Variants in ARHGAP18 observed in about 807,000 individuals in gnomAD.
ARHGAP18 encodes the protein Rho GTPase activating protein 18.
Under a neutral mutation model 86.2 loss-of-function variants are expected in ARHGAP18, and 67 were observed. The ratio of observed to expected loss-of-function variants is 0.78; its 90% CI spans 0.64 to 0.95. The LOEUF is 0.95. Among genes scored for constraint, ARHGAP18 ranks in the 40% least tolerant of loss-of-function variants. The probability of loss-of-function intolerance (pLI) is 0.00; values close to 1 mark genes in which losing one functional copy is unlikely to be tolerated. For synonymous variants in ARHGAP18, 283 were observed against 280.4 expected, an observed-to-expected ratio of 1.01 and a Z score of -0.09; for missense variants, 691 against 780.4, an observed-to-expected ratio of 0.89 and a Z score of 1.37.
At chr6:129,681,660 C>T (rs1774326730) in intron 1 of ARHGAP18, among the ~76,000 whole-genome samples, 1 of 152,114 alleles carries the variant, frequency 6.6e-6, no homozygotes, top group Admixed American at 6.5e-5. Flanking sequence ...ATAAATAATT[C>T]ATTTCATGGC....
At chr6:129,674,198 G>A (rs896443495) in intron 1 of ARHGAP18, among the ~76,000 whole-genome samples, 1 of 152,188 alleles carries the variant, frequency 6.6e-6, no homozygotes, top group Non-Finnish European at 1.5e-5. Context: ...TAGCAAGGAA[G>A]GAGGCACACA....
intron 1 of ARHGAP18, among the ~76,000 whole-genome samples, chr6:129,651,384 T>G (rs1420956207): frequency 6.6e-6 from 1 of 152,128 alleles, no homozygotes; most frequent in Non-Finnish European, 1.5e-5. Flanking sequence ...CGGCTCAGAG[T>G]TTTTTTAAGC....
rs902282153 is a variant in ARHGAP18 at position 129,618,220 on chromosome 6, T to C, written c.952+467A>G. Among the ~76,000 whole-genome samples the C allele has an allele frequency of 5.9e-5, 9 of 151,990 alleles. No individual in the cohort carries two copies. The East Asian group carries it at 1.7e-3, about 29-fold the overall frequency. On this transcript the variant is annotated intron_variant, in intron 6 of 14. Coordinates refer to ENST00000368149, the MANE Select transcript of ARHGAP18 (RefSeq NM_033515.3). Reference sequence around the variant, plus strand: ...TAGGGGAAAGAATGTCTTTGCAAAATAGGTAAAATTAGAATGTCCAGGAAC... The same window carrying C: ...TAGGGGAAAGAATGTCTTTGCAAAACAGGTAAAATTAGAATGTCCAGGAAC...
rs201368051 is a variant in ARHGAP18, at chr6:129,690,059, CCAAA to C, written c.113+19961_113+19964del. Among the ~76,000 whole-genome samples, 439 of 152,158 alleles carry C rather than the reference CCAAA, an allele frequency of 2.9e-3. 8 individuals carry two copies. Among genetic ancestry groups the C allele is most frequent in the Admixed American group, 0.025 (381 of 15,278 alleles). On this transcript the variant is annotated intron_variant, in intron 1 of 14. Transcript: ENST00000368149. ...ATAAGCAGACATATAAGCACTTTGGCCAAACAGTCCGTTTATAATGTTTTATTCA... is the reference window on the plus strand; with the variant it reads ...ATAAGCAGACATATAAGCACTTTGGCCAGTCCGTTTATAATGTTTTATTCA...
chr6:129,627,270 T>C (rs1374808000), intron 5 of ARHGAP18, among the ~76,000 whole-genome samples: 1 of 152,042 alleles, frequency 6.6e-6, no homozygotes, highest in Non-Finnish European at 1.5e-5. Context: ...AGAAGGTTGT[T>C]CTCAAAGAAA....
chr6:129,581,314 G>A (rs1481505342), intron 13 of ARHGAP18, among the ~76,000 whole-genome samples: 1 of 152,022 alleles, frequency 6.6e-6, no homozygotes, highest in African/African-American at 2.4e-5. Context: ...GGGCTCTCTG[G>A]GCCCTCACGC....
At chr6:129,624,828 C>T (rs1207587786) in intron 5 of ARHGAP18, among the ~76,000 whole-genome samples, 1 of 150,132 alleles carries the variant, frequency 6.7e-6, no homozygotes, top group Non-Finnish European at 1.5e-5. Context: ...ACCTATAATC[C>T]CAGCTCTTTG....
chr6:129,625,156 GATATATATTATATATGATATATT>G (rs1789343404), intron 5 of ARHGAP18, among the ~76,000 whole-genome samples: 1 of 5,534 alleles, frequency 1.8e-4, no homozygotes, highest in Admixed American at 2.6e-3. Flanking sequence ...ATATTATATA[GATATATATTATATATGATATATT>G]ATATATTATA....
chr6:129,584,438 T>A (rs1324844921), intron 12 of ARHGAP18, among the ~76,000 whole-genome samples: 1 of 152,234 alleles, frequency 6.6e-6, no homozygotes, highest in African/African-American at 2.4e-5. Context: ...TAGCAATTTA[T>A]GAAATTGAAT....
chr6:129,635,304 A>G (rs1308693773), intron 3 of ARHGAP18, among the ~76,000 whole-genome samples: 1 of 152,206 alleles, frequency 6.6e-6, no homozygotes, highest in Non-Finnish European at 1.5e-5. Flanking sequence ...GTCTAAAAAG[A>G]GCCTAGAAAA....
intron 1 of ARHGAP18, among the ~76,000 whole-genome samples, chr6:129,700,985 G>C (rs1167193320): frequency 6.9e-6 from 1 of 144,246 alleles, no homozygotes; most frequent in African/African-American, 2.6e-5. Context: ...AGGTATAAAG[G>C]AACACCCCTC....
chr6:129,701,607 T>TA (rs1774712247), intron 1 of ARHGAP18, among the ~76,000 whole-genome samples: 1 of 152,138 alleles, frequency 6.6e-6, no homozygotes, highest in East Asian at 1.9e-4. Context: ...CCATCTCTAC[T>TA]AAAAATACAA....
intron 13 of ARHGAP18, 79 bp downstream of exon 13, chr6:129,583,909 G>GAAA: frequency 7.0e-7 from 1 of 1,425,342 alleles, no homozygotes; most frequent in Non-Finnish European, 9.4e-7. Flanking sequence ...AAAAAAGGAA[G>GAAA]AAGAAGCAGC....
intron 6 of ARHGAP18, among the ~76,000 whole-genome samples, chr6:129,617,602 G>A (rs1028282657): frequency 2.6e-5 from 4 of 151,582 alleles, no homozygotes; most frequent in East Asian, 3.9e-4. Context: ...ACAACTTAAC[G>A]TTTCTTTGCC....
intron 5 of ARHGAP18, among the ~76,000 whole-genome samples, chr6:129,623,852 T>C (rs576661002): frequency 6.6e-6 from 1 of 152,340 alleles, no homozygotes; most frequent in African/African-American, 2.4e-5. Context: ...GGTGATTTCA[T>C]ATATTTATTT....
In ARHGAP18 at chr6:129,668,362, T is replaced by TCACACACACACACACA. The variant is rs35153109; in HGVS notation, c.114-26360_114-26345dup. On this transcript the variant is annotated intron_variant, in intron 1 of 14. Transcript: ENST00000368149. ...CCAAACCATCAATTTACCCAAATAA[T>TCACACACACACACACA]CACACACACACACACACACACACAC... Among the ~76,000 whole-genome samples, 417 of 137,812 alleles carry TCACACACACACACACA rather than the reference T, an allele frequency of 3.0e-3. 2 individuals carry two copies. Among genetic ancestry groups the TCACACACACACACACA allele is most frequent in the African/African-American group, 8.3e-3 (305 of 36,736 alleles). The allele number at this position is 137,812 out of a possible 152,430, so 90.4% of individuals were successfully genotyped here. A position where few individuals can be genotyped will look rare whatever the true frequency, so the allele number is the denominator to read the frequency against.
At chr6:129,633,978 C>A in intron 4 of ARHGAP18, 64 bp downstream of exon 4, 4 of 1,376,514 alleles carry the variant, frequency 2.9e-6, no homozygotes, top group South Asian at 1.3e-5. Context: ...TTTTATAAGA[C>A]TGTAACTGTT....
intron 3 of ARHGAP18, among the ~76,000 whole-genome samples, chr6:129,636,182 GT>G (rs1375443610): frequency 6.6e-6 from 1 of 152,146 alleles, no homozygotes; most frequent in Non-Finnish European, 1.5e-5. Flanking sequence ...TAACCACTGG[GT>G]GGTAAGCAAG....
chr6:129,627,608 G>T (rs1414102018), intron 5 of ARHGAP18, among the ~76,000 whole-genome samples: 2 of 151,768 alleles, frequency 1.3e-5, no homozygotes, highest in African/African-American at 4.8e-5. Context: ...AATTAATGAG[G>T]AGGGAGGAAG....
Sources: allele counts gnomAD v4.1 joint callset (sites outside exome capture counted in the v4.1 genomes callset), GRCh38; gene constraint gnomAD v4.1.1; transcripts MANE v1.5; gene names NCBI Gene and HGNC (gene_info 2026-07-23, HGNC 2026-07-21).